The following RORA variants were observed in gnomAD, a reference collection of about 807,000 sequenced individuals.
The protein encoded by RORA is nuclear receptor ROR-alpha.
In RORA, 7 loss-of-function variants were observed where a neutral mutation model predicts 69.5. The ratio of observed to expected loss-of-function variants is 0.10; its 90% CI spans 0.06 to 0.19. RORA has a LOEUF of 0.19. RORA is among the 10% of genes least tolerant of loss of function. The probability of loss-of-function intolerance (pLI) is 1.00; values close to 1 mark genes in which losing one functional copy is unlikely to be tolerated. For missense variants in RORA, 457 were observed against 663.0 expected (o/e 0.69, Z 3.41); for synonymous variants, 261 against 240.8 (o/e 1.08, Z -0.78).
chr15:60,646,204 C>T (rs1397614157), intron 2 of RORA, among the ~76,000 whole-genome samples: 1 of 152,188 alleles, frequency 6.6e-6, no homozygotes, highest in Non-Finnish European at 1.5e-5. Context: ...GGGGTAAACT[C>T]TGAAGTCATA....
intron 1 of RORA, among the ~76,000 whole-genome samples, chr15:61,041,822 C>T (rs1341275281): frequency 1.3e-5 from 2 of 152,342 alleles, no homozygotes; most frequent in South Asian, 2.1e-4. Context: ...AAAGTAATAG[C>T]AAATATTTAC....
intron 1 of RORA, among the ~76,000 whole-genome samples, chr15:60,903,997 A>G (rs1177047279): frequency 3.3e-5 from 5 of 152,178 alleles, no homozygotes; most frequent in African/African-American, 1.2e-4. Flanking sequence ...TCAGGTTGCT[A>G]TGATTTCTCT....
At chr15:60,586,455 G>GGTGT (rs146340386) in intron 2 of RORA, among the ~76,000 whole-genome samples, 2 of 150,182 alleles carry the variant, frequency 1.3e-5, no homozygotes, top group Non-Finnish European at 3.0e-5. Context: ...GTATTAGAGG[G>GGTGT]GTGTGTGTGT....
At chr15:61,200,543 G>A (rs994885632) in intron 1 of RORA, among the ~76,000 whole-genome samples, 1 of 152,126 alleles carries the variant, frequency 6.6e-6, no homozygotes, top group Non-Finnish European at 1.5e-5. Flanking sequence ...ACCTGGAAAA[G>A]GAAATAAATA....
intron 1 of RORA, among the ~76,000 whole-genome samples, chr15:60,957,148 A>T (rs972848162): frequency 6.6e-6 from 1 of 152,240 alleles, no homozygotes; most frequent in Non-Finnish European, 1.5e-5. Flanking sequence ...AGTCAAGACG[A>T]TGGAGGAGAC....
intron 1 of RORA, among the ~76,000 whole-genome samples, chr15:60,858,938 C>T (rs926948787): frequency 2.0e-5 from 3 of 151,926 alleles, no homozygotes; most frequent in Admixed American, 6.6e-5. Context: ...TAAGTGATTG[C>T]TTACTTGCCA....
chr15:61,203,539 A>G (rs1209002525), intron 1 of RORA, among the ~76,000 whole-genome samples: 1 of 152,240 alleles, frequency 6.6e-6, no homozygotes, highest in Non-Finnish European at 1.5e-5. Flanking sequence ...GAAACATGAG[A>G]CAGACAGAAA....
chr15:61,037,946 T>A (rs1298332353), intron 1 of RORA, among the ~76,000 whole-genome samples: 1 of 152,206 alleles, frequency 6.6e-6, no homozygotes, highest in East Asian at 1.9e-4. Flanking sequence ...TTAATGACTT[T>A]ATCATTCATG....
intron 1 of RORA, among the ~76,000 whole-genome samples, chr15:61,170,832 T>C (rs11071591): frequency 0.44 from 67,398 of 151,970 alleles, 16,126 homozygotes; most frequent in Non-Finnish European, 0.54. Flanking sequence ...GGAAGCGTAA[T>C]TGGGGCTGGA....
chr15:61,181,680 C>CAAA (rs749054081), intron 1 of RORA, among the ~76,000 whole-genome samples: 4 of 57,688 alleles, frequency 6.9e-5, no homozygotes, highest in Non-Finnish European at 1.1e-4. Context: ...TTAGCTTTGG[C>CAAA]AAAAAAAAAA....
chr15:60,893,823 C>T (rs902304904), intron 1 of RORA, among the ~76,000 whole-genome samples: 18 of 152,144 alleles, frequency 1.2e-4, no homozygotes, highest in Non-Finnish European at 7.3e-5. Flanking sequence ...GGTCACCTGG[C>T]ATAACCTCCT....
At chr15:60,852,937 T>C (rs1010142281) in intron 1 of RORA, among the ~76,000 whole-genome samples, 3 of 152,164 alleles carry the variant, frequency 2.0e-5, no homozygotes, top group African/African-American at 7.2e-5. Context: ...CTGGTCCAGG[T>C]GGGACAAAGG....
chr15:61,120,617 C>G (rs902927488), intron 1 of RORA, among the ~76,000 whole-genome samples: 4 of 148,452 alleles, frequency 2.7e-5, no homozygotes, highest in Non-Finnish European at 4.4e-5. Flanking sequence ...AGGAGAACGG[C>G]GTTAACCCGG....
At chr15:60,550,962 C>T (rs2067212401) in intron 2 of RORA, among the ~76,000 whole-genome samples, 1 of 152,122 alleles carries the variant, frequency 6.6e-6, no homozygotes, top group African/African-American at 2.4e-5. Flanking sequence ...ACTGTGTGGA[C>T]CACCCATGCT....
intron 1 of RORA, among the ~76,000 whole-genome samples, chr15:61,060,886 C>T (rs768668611): frequency 1.3e-5 from 2 of 152,152 alleles, no homozygotes; most frequent in Admixed American, 6.5e-5. Context: ...AGAAAGTTTA[C>T]GAATTTGCAC....
At chr15:60,541,726 GCA>G (rs1380196634) in intron 2 of RORA, among the ~76,000 whole-genome samples, 1 of 152,150 alleles carries the variant, frequency 6.6e-6, no homozygotes, top group Non-Finnish European at 1.5e-5. Context: ...GAGCATCAAT[GCA>G]CACACTATAA....
intron 1 of RORA, among the ~76,000 whole-genome samples, chr15:60,902,899 G>A (rs141114619): frequency 7.7e-4 from 117 of 152,312 alleles, no homozygotes; most frequent in Middle Eastern, 3.4e-3. Context: ...GGCGTACTCC[G>A]CTGAAAGGAA....
At chr15:61,116,369 C>A (rs962967179) in intron 1 of RORA, among the ~76,000 whole-genome samples, 1 of 152,124 alleles carries the variant, frequency 6.6e-6, no homozygotes, top group Non-Finnish European at 1.5e-5. Flanking sequence ...GCTATGTATA[C>A]CACTGGCCTA....
chr15:61,049,359 T>C (rs1295505789), intron 1 of RORA, among the ~76,000 whole-genome samples: 1 of 152,236 alleles, frequency 6.6e-6, no homozygotes, highest in Non-Finnish European at 1.5e-5. Flanking sequence ...GGCTCGTTTC[T>C]GATGAGGTGC....
Sources: allele counts gnomAD v4.1 joint callset (sites outside exome capture counted in the v4.1 genomes callset), GRCh38; gene constraint gnomAD v4.1.1; transcripts MANE v1.5; gene names NCBI Gene and HGNC (gene_info 2026-07-23, HGNC 2026-07-21).